The following MAML3 variants were observed in gnomAD, a reference collection of about 807,000 sequenced individuals.
The protein encoded by MAML3 is mastermind like transcriptional coactivator 3.
Under a neutral mutation model 101.9 loss-of-function variants are expected in MAML3, and 27 were observed. The ratio of observed to expected loss-of-function variants is 0.27; its 90% CI spans 0.20 to 0.37. The LOEUF is 0.37. MAML3 is among the 10% of genes least tolerant of loss of function. The pLI, the probability that MAML3 is intolerant of heterozygous loss-of-function variation, is 1.00. For missense variants in MAML3, 1,316 were observed against 1,444.9 expected (o/e 0.91, Z 1.45); for synonymous variants, 501 against 555.9 (o/e 0.90, Z 1.39).
chr4:140,098,780 C>G (rs1299039730), intron 1 of MAML3, among the ~76,000 whole-genome samples: 1 of 152,256 alleles, frequency 6.6e-6, no homozygotes, highest in Non-Finnish European at 1.5e-5. Context: ...CACCCACACC[C>G]TGGCCTCCAG....
intron 1 of MAML3, among the ~76,000 whole-genome samples, chr4:140,151,697 G>GA (rs1553981893): frequency 6.6e-6 from 1 of 151,110 alleles, no homozygotes; most frequent in African/African-American, 2.4e-5. Flanking sequence ...GTGCGGGGGG[G>GA]GGGGGCACAC....
chr4:139,757,047 G>A (rs1215823090), intron 2 of MAML3, among the ~76,000 whole-genome samples: 1 of 152,104 alleles, frequency 6.6e-6, no homozygotes, highest in Non-Finnish European at 1.5e-5. Flanking sequence ...CTGTGTTCCT[G>A]GCCTCTGAAT....
intron 1 of MAML3, among the ~76,000 whole-genome samples, chr4:140,026,804 A>G (rs1726833568): frequency 6.6e-6 from 1 of 152,148 alleles, no homozygotes; most frequent in South Asian, 2.1e-4. Flanking sequence ...CTAATTCCGC[A>G]TAAACACCCA....
At position 139,833,952 on chromosome 4, in the gene MAML3, G is replaced by A. The variant is rs138484776; in HGVS notation, c.2079+55405C>T. Among the ~76,000 whole-genome samples, 19 of 152,212 alleles carry A rather than the reference G, an allele frequency of 1.2e-4. No individual in the cohort carries two copies. In the East Asian group the frequency reaches 3.7e-3, roughly 29 times the overall value. On this transcript the variant is annotated intron_variant, in intron 2 of 4. Coordinates refer to ENST00000509479, the MANE Select transcript of MAML3 (RefSeq NM_018717.5). ...CTTCCTGAAGAGTGGGAAGAAATTT[G>A]GGATCTTTAAGAGGAAAAACCAGTG...
At chr4:140,069,854 G>A (rs978302268) in intron 1 of MAML3, among the ~76,000 whole-genome samples, 15 of 151,652 alleles carry the variant, frequency 9.9e-5, no homozygotes, top group South Asian at 2.1e-4. Context: ...GGTGGCTCAC[G>A]CCTGTAATCC....
chr4:140,043,980 T>C (rs1727135537), intron 1 of MAML3, among the ~76,000 whole-genome samples: 1 of 152,224 alleles, frequency 6.6e-6, no homozygotes, highest in South Asian at 2.1e-4. Flanking sequence ...AAGTTCTAAC[T>C]GTGCTCCTGA....
chr4:139,889,182 C>T (rs779621613), intron 2 of MAML3, 175 bp downstream of exon 2: 2 of 1,261,030 alleles, frequency 1.6e-6, no homozygotes, highest in Non-Finnish European at 2.3e-6. Context: ...TTTTCCATTT[C>T]TTAGGAGAAA....
chr4:139,994,956 A>G (rs187213630), intron 1 of MAML3, among the ~76,000 whole-genome samples: 1 of 152,174 alleles, frequency 6.6e-6, no homozygotes, highest in Non-Finnish European at 1.5e-5. Flanking sequence ...AACACCCTTT[A>G]CTTTTTCCCT....
chr4:140,088,377 C>A (rs182047096), intron 1 of MAML3, among the ~76,000 whole-genome samples: 1 of 152,304 alleles, frequency 6.6e-6, no homozygotes, highest in African/African-American at 2.4e-5. Context: ...CATGACAGGG[C>A]TGTCCAAAAA....
At chr4:139,963,684 C>T (rs916103680) in intron 1 of MAML3, among the ~76,000 whole-genome samples, 2 of 152,176 alleles carry the variant, frequency 1.3e-5, no homozygotes, top group African/African-American at 4.8e-5. Context: ...AGTGCCCCAG[C>T]CATGATAGGG....
At chr4:139,752,202 G>A (rs751451737) in intron 2 of MAML3, among the ~76,000 whole-genome samples, 4 of 152,128 alleles carry the variant, frequency 2.6e-5, no homozygotes, top group East Asian at 1.9e-4. Context: ...TAAGGCTCAC[G>A]TTACGTACTA....
rs1292976721 is a variant in MAML3, at chr4:140,154,154, A to C, written c.-827T>G. 6.0e-6 allele frequency: 1 copy of C among 165,796 alleles called. No individual in the cohort carries two copies. The highest frequency in any genetic ancestry group is 1.3e-5 in the Non-Finnish European group (1 of 77,666). The allele number at this position is 165,796 out of a possible 1,614,324, so 10.3% of individuals were successfully genotyped here. A position where few individuals can be genotyped will look rare whatever the true frequency, so the allele number is the denominator to read the frequency against. ...CTCCTCCTCCTCCTCTCGCTCCTCC[A>C]CCTCCTCCTCCTCCTCCATGCCAGC... On this transcript the variant is annotated 5_prime_UTR_variant, in exon 1 of 5. Coordinates refer to ENST00000509479, the MANE Select transcript of MAML3 (RefSeq NM_018717.5).
chr4:139,745,874 AAG>A (rs1729304323), intron 2 of MAML3, among the ~76,000 whole-genome samples: 1 of 152,234 alleles, frequency 6.6e-6, no homozygotes, highest in Non-Finnish European at 1.5e-5. Flanking sequence ...GGATGGAGGA[AAG>A]ATGGCAGGCA....
At chr4:140,069,158 T>C (rs190884738) in intron 1 of MAML3, among the ~76,000 whole-genome samples, 1 of 152,152 alleles carries the variant, frequency 6.6e-6, no homozygotes, top group Admixed American at 6.5e-5. Context: ...GGGAAAAAAA[T>C]TTCACCTTGA....
chr4:139,908,159 T>C (rs1732853326), intron 1 of MAML3, among the ~76,000 whole-genome samples: 1 of 152,236 alleles, frequency 6.6e-6, no homozygotes, highest in South Asian at 2.1e-4. Flanking sequence ...AGCCCAGAAT[T>C]GTATAATCTG....
intron 2 of MAML3, among the ~76,000 whole-genome samples, chr4:139,862,038 G>A (rs112659180): frequency 2.6e-5 from 4 of 152,210 alleles, no homozygotes; most frequent in African/African-American, 9.6e-5. Context: ...GTGAAACCCT[G>A]TCTCTACTAA....
At chr4:139,812,683 A>G (rs1730825613) in intron 2 of MAML3, among the ~76,000 whole-genome samples, 1 of 152,196 alleles carries the variant, frequency 6.6e-6, no homozygotes, top group South Asian at 2.1e-4. Flanking sequence ...ACTCCTATCT[A>G]GGGAAATTAA....
At chr4:139,976,112 G>T (rs1734335165) in intron 1 of MAML3, among the ~76,000 whole-genome samples, 3 of 152,200 alleles carry the variant, frequency 2.0e-5, no homozygotes, top group Non-Finnish European at 4.4e-5. Flanking sequence ...TGGGAAATGT[G>T]TAACGTGCCA....
chr4:139,743,414 C>T (rs535252480), intron 2 of MAML3, among the ~76,000 whole-genome samples: 2 of 152,340 alleles, frequency 1.3e-5, no homozygotes, highest in East Asian at 3.9e-4. Context: ...GTTTCTTGTA[C>T]TTTGGCCCAA....
Sources: gnomAD v4.1 joint callset for allele counts (sites outside exome capture counted in the v4.1 genomes callset) on GRCh38, gnomAD v4.1.1 for gene constraint, MANE v1.5 for transcripts, NCBI Gene and HGNC (gene_info 2026-07-23, HGNC 2026-07-21) for gene names.